Variants in CORO2B observed in about 807,000 individuals in gnomAD.
CORO2B encodes coronin 2B.
A neutral mutation model predicts 58.8 loss-of-function variants in CORO2B; 26 were observed. The ratio of observed to expected loss-of-function variants is 0.44; its 90% CI spans 0.32 to 0.61. The LOEUF (loss-of-function observed/expected upper bound fraction) is 0.61. Ranked by LOEUF, CORO2B falls within the 20% of genes least tolerant of loss-of-function variation. The pLI is 0.04. For missense variants in CORO2B, 460 were observed against 645.1 expected (o/e 0.71, Z 3.11); for synonymous variants, 242 against 253.8 (o/e 0.95, Z 0.44).
chr15:68,654,403 A>G (rs556558098), intron 2 of CORO2B, among the ~76,000 whole-genome samples: 4 of 152,178 alleles, frequency 2.6e-5, no homozygotes, highest in Non-Finnish European at 5.9e-5. Context: ...TTCCTTGCAG[A>G]GCCAGGGAGG....
chr15:68,673,390 C>T lies in CORO2B; in HGVS notation c.217-21750C>T, dbSNP rs866151350. 3.3e-5 allele frequency among the ~76,000 whole-genome samples: 5 copies of T among 151,990 alleles called. No homozygotes were observed. In the South Asian group the frequency reaches 1.0e-3, roughly 32 times the overall value. On this transcript the variant is annotated intron_variant, in intron 2 of 11. Transcript: ENST00000261861. The stretch of plus-strand genomic sequence containing the variant: ...TGAAAAAAATAAAAAATTAGCCAAG[C>T]ATGCCTGAGTCCGGCTACTTGGGAG...
At chr15:68,558,003 T>G in the CORO2B span, among the ~76,000 whole-genome samples, 1 of 151,900 alleles carries the variant, frequency 6.6e-6, no homozygotes, top group African/African-American at 2.4e-5. Context: ...CACTGGGCAC[T>G]GTGATAGGCC....
Position 68,710,996 on chromosome 15 carries a change from C to G in CORO2B, c.483+115C>G. 1 of 1,163,840 alleles carries G rather than the reference C, an allele frequency of 8.6e-7. No individual in the cohort carries two copies. The highest frequency in any genetic ancestry group is 2.8e-5 in the East Asian group (1 of 36,260). 72.1% of individuals were successfully genotyped at this position (1,163,840 alleles called of 1,614,324 possible). A position where few individuals can be genotyped will look rare whatever the true frequency, so the allele number is the denominator to read the frequency against. ...AGCAACCAATATGGCCTCATCTGTT[C>G]ATTTGCTTATTCATTCATTCATTCA... On this transcript the variant is annotated intron_variant, in intron 4 of 11. Transcript: ENST00000261861. This position sits in a 1 kb window ranked among gnomAD's most constrained non-coding sequence, Gnocchi z 4.1.
At chr15:68,625,204 G>C (rs767482685) in intron 1 of CORO2B, among the ~76,000 whole-genome samples, 2 of 152,158 alleles carry the variant, frequency 1.3e-5, no homozygotes, top group Non-Finnish European at 2.9e-5. Flanking sequence ...TAAACTTGAA[G>C]CTTTTCCACA....
the CORO2B span, among the ~76,000 whole-genome samples, chr15:68,525,877 T>C: frequency 6.6e-6 from 1 of 152,218 alleles, no homozygotes. Context: ...AAAACACTTC[T>C]TCTGCCCAAA....
chr15:68,550,352 G>T, the CORO2B span, among the ~76,000 whole-genome samples: 14 of 152,228 alleles, frequency 9.2e-5, no homozygotes, highest in Non-Finnish European at 1.9e-4. Flanking sequence ...AGCTCACCAG[G>T]GGCCTCAGGA....
chr15:68,681,127 C>A (rs533994904), intron 2 of CORO2B, among the ~76,000 whole-genome samples: 103 of 152,126 alleles, frequency 6.8e-4, no homozygotes, highest in Non-Finnish European at 1.1e-3. Flanking sequence ...GCAGGAGAAT[C>A]GCTTGAACCC....
intron 1 of CORO2B, among the ~76,000 whole-genome samples, chr15:68,616,147 C>T (rs1177249020): frequency 1.3e-5 from 2 of 152,132 alleles, no homozygotes; most frequent in Admixed American, 1.3e-4. Flanking sequence ...ACGGCCTGTG[C>T]TTTTGTAGTA....
At chr15:68,574,698 A>G (rs541638390), upstream of CORO2B, among the ~76,000 whole-genome samples, 1 of 152,236 alleles carries the variant, frequency 6.6e-6, no homozygotes, top group Non-Finnish European at 1.5e-5. Flanking sequence ...TTGTGATTTT[A>G]AAAAAGAGAA....
At chr15:68,592,912 C>T (rs1187789965) in intron 1 of CORO2B, among the ~76,000 whole-genome samples, 1 of 152,208 alleles carries the variant, frequency 6.6e-6, no homozygotes, top group Non-Finnish European at 1.5e-5. Flanking sequence ...AGTCCATTTT[C>T]TGCTTCTGTA....
chr15:68,668,793 G>A (rs1047413890), intron 2 of CORO2B, among the ~76,000 whole-genome samples: 33 of 152,186 alleles, frequency 2.2e-4, no homozygotes, highest in Admixed American at 1.3e-4. Context: ...GAAAGCCAAA[G>A]ACAGGCCGAG....
the CORO2B span, among the ~76,000 whole-genome samples, chr15:68,523,607 T>C: frequency 6.6e-6 from 1 of 152,216 alleles, no homozygotes; most frequent in Non-Finnish European, 1.5e-5. Context: ...ATACCTCAAG[T>C]GGAAAAATGC....
At chr15:68,704,514 G>C (rs1013958859) in intron 3 of CORO2B, among the ~76,000 whole-genome samples, 52 of 152,060 alleles carry the variant, frequency 3.4e-4, no homozygotes, top group African/African-American at 1.2e-3. Context: ...CATTCTAACA[G>C]AGCTGTCAGA....
At chr15:68,714,974 T>C (rs1213832308) in intron 7 of CORO2B, among the ~76,000 whole-genome samples, 1 of 152,146 alleles carries the variant, frequency 6.6e-6, no homozygotes, top group Non-Finnish European at 1.5e-5. Flanking sequence ...GAATACAGCC[T>C]TGTTTGTCAG....
intron 1 of CORO2B, among the ~76,000 whole-genome samples, chr15:68,622,193 C>T (rs767647645): frequency 6.6e-6 from 1 of 152,096 alleles, no homozygotes; most frequent in African/African-American, 2.4e-5. Flanking sequence ...AGTGGGTGCT[C>T]GGTACATTCA....
chr15:68,519,736 T>G, the CORO2B span, among the ~76,000 whole-genome samples: 1 of 152,228 alleles, frequency 6.6e-6, no homozygotes, highest in Non-Finnish European at 1.5e-5. Context: ...CCATTCTTTT[T>G]CTAATGTCTT....
At chr15:68,583,352 A>G (rs1458513019) in intron 1 of CORO2B, among the ~76,000 whole-genome samples, 1 of 152,174 alleles carries the variant, frequency 6.6e-6, no homozygotes, top group Non-Finnish European at 1.5e-5. Flanking sequence ...AGAAGTTGTA[A>G]CTTGCCCAAA....
chr15:68,599,558 C>T (rs1305948815), intron 1 of CORO2B, among the ~76,000 whole-genome samples: 3 of 152,194 alleles, frequency 2.0e-5, no homozygotes, highest in African/African-American at 7.2e-5. Context: ...CCACAAGGGC[C>T]TGAGACGGAT....
chr15:68,683,303 G>A (rs1218628643), intron 2 of CORO2B, among the ~76,000 whole-genome samples: 2 of 152,152 alleles, frequency 1.3e-5, no homozygotes, highest in East Asian at 3.9e-4. Flanking sequence ...GGAAGATACT[G>A]AAGACCCCAG....
Sources: allele counts gnomAD v4.1 joint callset (sites outside exome capture counted in the v4.1 genomes callset), GRCh38; gene constraint gnomAD v4.1.1; non-coding constraint Gnocchi (gnomAD v3.1); transcripts MANE v1.5; gene names NCBI Gene and HGNC (gene_info 2026-07-23, HGNC 2026-07-21).